Variants in OOSP4B observed in about 807,000 individuals in gnomAD.
The protein encoded by OOSP4B is oocyte secreted protein family member 4B, also known as oocyte-secreted protein 4B.
At chr11:60,026,975 C>T (rs1483218130) in intron 3 of OOSP4B, among the ~76,000 whole-genome samples, 1 of 152,034 alleles carries the variant, frequency 6.6e-6, no homozygotes, top group African/African-American at 2.4e-5. Flanking sequence ...TGGTTCTAAC[C>T]TTTATTTTTA....
chr11:60,017,243 T>G (rs1170829134), exon 1 of OOSP4B: 11 of 396,494 alleles, frequency 2.8e-5, no homozygotes, highest in Non-Finnish European at 3.6e-5. Context: ...GGGCCATGTT[T>G]TGAGAAGATG....
At chr11:60,017,293 G>A (rs959295748) in exon 1 of OOSP4B, 7 of 398,314 alleles carry the variant, frequency 1.8e-5, no homozygotes, top group Middle Eastern at 6.2e-4. Context: ...GAGGGTAATT[G>A]CAGACAGCTG....
chr11:60,026,273 A>G (rs763254120), intron 3 of OOSP4B, among the ~76,000 whole-genome samples: 4 of 152,154 alleles, frequency 2.6e-5, no homozygotes, highest in Non-Finnish European at 4.4e-5. Context: ...GGTTTTGAAT[A>G]TATTTGGGTT....
chr11:60,028,216 A>C (rs1854765576), intron 3 of OOSP4B, among the ~76,000 whole-genome samples: 1 of 150,194 alleles, frequency 6.7e-6, no homozygotes, highest in African/African-American at 2.5e-5. Flanking sequence ...CCCAGGCGGG[A>C]GTGCAGTGGT....
intron 3 of OOSP4B, among the ~76,000 whole-genome samples, chr11:60,026,357 C>G (rs1854746275): frequency 6.6e-6 from 1 of 152,182 alleles, no homozygotes; most frequent in Admixed American, 6.5e-5. Context: ...ATAGGGACAT[C>G]CTGTTGATAC....
intron 1 of OOSP4B, among the ~76,000 whole-genome samples, chr11:60,023,374 T>C (rs1472471434): frequency 6.6e-6 from 1 of 152,228 alleles, no homozygotes; most frequent in Non-Finnish European, 1.5e-5. Context: ...ATGATCATAT[T>C]TGGGATATAT....
chr11:60,028,980 A>C (rs911287368), intron 3 of OOSP4B, among the ~76,000 whole-genome samples: 1 of 50,932 alleles, frequency 2.0e-5, no homozygotes, highest in African/African-American at 7.7e-5. Flanking sequence ...ATAGGCATCC[A>C]CTGAGCTCTC....
At chr11:60,028,418 G>A (rs1414493487) in intron 3 of OOSP4B, among the ~76,000 whole-genome samples, 3 of 151,918 alleles carry the variant, frequency 2.0e-5, no homozygotes, top group South Asian at 2.1e-4. Context: ...CACCTGCCTC[G>A]GCCTCCCAAA....
intron 1 of OOSP4B, among the ~76,000 whole-genome samples, chr11:60,019,179 C>A (rs952600750): frequency 6.6e-6 from 1 of 151,800 alleles, no homozygotes; most frequent in Non-Finnish European, 1.5e-5. Flanking sequence ...GCTGAGATTG[C>A]GCCATTGCAC....
chr11:60,030,288 T>C (rs1312763926), intron 4 of OOSP4B, among the ~76,000 whole-genome samples: 2 of 152,202 alleles, frequency 1.3e-5, no homozygotes, highest in African/African-American at 4.8e-5. Context: ...TATACATATA[T>C]GTGTATAAAA....
intron 1 of OOSP4B, among the ~76,000 whole-genome samples, chr11:60,018,844 G>C (rs1474415940): frequency 6.6e-6 from 1 of 152,152 alleles, no homozygotes; most frequent in Non-Finnish European, 1.5e-5. Context: ...TGTAGTTAAG[G>C]ATGAAATTGA....
chr11:60,024,309 G>A (rs1381895666), intron 2 of OOSP4B, among the ~76,000 whole-genome samples: 1 of 152,188 alleles, frequency 6.6e-6, no homozygotes, highest in Non-Finnish European at 1.5e-5. Flanking sequence ...GGAGGCTGGG[G>A]TGGGTGGATC....
At chr11:60,023,820 G>A (rs1356850122) in intron 1 of OOSP4B, 60 bp from the exon 2 acceptor site, 1 of 398,146 alleles carries the variant, frequency 2.5e-6, no homozygotes, top group Non-Finnish European at 4.4e-6. Context: ...AGCACTGATA[G>A]TGTAATGTCT....
At chr11:60,031,056 T>C (rs1402822491) in exon 5 of OOSP4B, 1 of 372,278 alleles carries the variant, frequency 2.7e-6, no homozygotes, top group Non-Finnish European at 4.8e-6. Context: ...ATTCTAACTC[T>C]GAAATCAAGC....
At chr11:60,020,533 G>A (rs372910576) in intron 1 of OOSP4B, among the ~76,000 whole-genome samples, 1 of 152,212 alleles carries the variant, frequency 6.6e-6, no homozygotes, top group Non-Finnish European at 1.5e-5. Flanking sequence ...CGGAGCCCAC[G>A]CCCACCCAGA....
intron 3 of OOSP4B, among the ~76,000 whole-genome samples, chr11:60,026,848 G>A (rs564788620): frequency 6.6e-6 from 1 of 152,258 alleles, no homozygotes; most frequent in East Asian, 1.9e-4. Flanking sequence ...GCACAGTGTA[G>A]ACTTAGATTT....
chr11:60,020,613 C>T (rs147170334), intron 1 of OOSP4B, among the ~76,000 whole-genome samples: 3,826 of 152,330 alleles, frequency 0.025, 116 homozygotes, highest in African/African-American at 0.072. Flanking sequence ...CACACCTCCC[C>T]GCAAGCTGAG....
intron 1 of OOSP4B, among the ~76,000 whole-genome samples, chr11:60,018,564 C>T (rs1031690684): frequency 3.9e-5 from 6 of 152,132 alleles, no homozygotes; most frequent in African/African-American, 1.4e-4. Context: ...GACCTGAAAC[C>T]AGCTGAAACC....
intron 3 of OOSP4B, among the ~76,000 whole-genome samples, chr11:60,025,979 G>T (rs571916649): frequency 2.6e-5 from 4 of 152,062 alleles, no homozygotes; most frequent in Middle Eastern, 3.4e-3. Context: ...GTGCTCATTG[G>T]CCATTTTTAT....
Sources: gnomAD v4.1 joint callset for allele counts (sites outside exome capture counted in the v4.1 genomes callset) on GRCh38, gnomAD v4.1.1 for gene constraint, MANE v1.5 for transcripts, NCBI Gene and HGNC (gene_info 2026-07-23, HGNC 2026-07-21) for gene names.